Variants in SMIM3 observed in about 807,000 individuals in gnomAD.
SMIM3 encodes the protein NGF-induced differentiation clone 67 protein.
In SMIM3, 4 loss-of-function variants were observed where a neutral mutation model predicts 2.1. That is an observed-to-expected ratio of 1.89 (90% CI 0.93 to 4.31). The LOEUF is 4.31. Among genes scored for constraint, SMIM3 ranks in the 30% most tolerant of loss-of-function variants. SMIM3 has a pLI of 0.01. For synonymous variants in SMIM3, 29 were observed against 30.8 expected (o/e 0.94, Z 0.19); for missense variants, 79 against 77.7 (o/e 1.02, Z -0.06).
intron 1 of SMIM3, among the ~76,000 whole-genome samples, chr5:150,783,309 C>A (rs913617523): frequency 2.6e-5 from 4 of 152,214 alleles, no homozygotes; most frequent in Non-Finnish European, 4.4e-5. Flanking sequence ...TCCTTGACAA[C>A]CTCAGCAGCA....
chr5:150,791,349 CTTAT>C (rs1554124319), intron 1 of SMIM3, among the ~76,000 whole-genome samples: 1 of 152,096 alleles, frequency 6.6e-6, no homozygotes, highest in Non-Finnish European at 1.5e-5. Context: ...TATCTCAGTA[CTTAT>C]TTATTCCTCC....
intron 1 of SMIM3, among the ~76,000 whole-genome samples, chr5:150,791,059 A>T (rs768395822): frequency 2.0e-5 from 3 of 152,306 alleles, no homozygotes; most frequent in Middle Eastern, 3.4e-3. Flanking sequence ...GCATAAAATC[A>T]TGTTTTATGA....
In SMIM3 at chr5:150,795,430, A is replaced by G; in HGVS notation, c.-11A>G. 6.2e-7 allele frequency: 1 copy of G among 1,613,872 alleles called. No individual in the cohort carries two copies. The highest frequency in any genetic ancestry group is 1.3e-5 in the African/African-American group (1 of 75,048). Reference sequence around the variant, plus strand: ...GATCTTCCTTTCTTGTCTGTTGCAGAGTGAAGCAACATGGATGCAGTCAGC... The same window carrying G: ...GATCTTCCTTTCTTGTCTGTTGCAGGGTGAAGCAACATGGATGCAGTCAGC... On this transcript the variant is annotated splice_region_variant and 5_prime_UTR_variant, in exon 2 of 2. Transcript: ENST00000526627.
At chr5:150,783,141 G>T (rs377148920) in intron 1 of SMIM3, among the ~76,000 whole-genome samples, 1 of 152,234 alleles carries the variant, frequency 6.6e-6, no homozygotes, top group East Asian at 1.9e-4. Flanking sequence ...ATGGACAGGG[G>T]AGGAAAAGAG....
chr5:150,779,452 C>G (rs941407766), intron 1 of SMIM3, among the ~76,000 whole-genome samples: 1 of 152,166 alleles, frequency 6.6e-6, no homozygotes, highest in African/African-American at 2.4e-5. Context: ...TAGAAGGCGC[C>G]AGGAGTTTGG....
At chr5:150,784,472 T>A (rs994365915) in intron 1 of SMIM3, among the ~76,000 whole-genome samples, 4 of 152,218 alleles carry the variant, frequency 2.6e-5, no homozygotes, top group Non-Finnish European at 5.9e-5. Context: ...GAGAGAGACA[T>A]CTTGAAATCT....
At chr5:150,794,778 C>T (rs1753385279) in intron 1 of SMIM3, among the ~76,000 whole-genome samples, 1 of 152,158 alleles carries the variant, frequency 6.6e-6, no homozygotes, top group Non-Finnish European at 1.5e-5. Flanking sequence ...AAAATAAATA[C>T]CGAGCAGTTC....
chr5:150,782,745 T>C (rs1304426424), intron 1 of SMIM3, among the ~76,000 whole-genome samples: 1 of 152,242 alleles, frequency 6.6e-6, no homozygotes, highest in East Asian at 1.9e-4. Flanking sequence ...GGGATGAGGA[T>C]TCTTTCTGGA....
At chr5:150,779,829 A>AAG (rs1753212584) in intron 1 of SMIM3, among the ~76,000 whole-genome samples, 1 of 111,024 alleles carries the variant, frequency 9.0e-6, no homozygotes, top group African/African-American at 3.4e-5. Flanking sequence ...GAAAGGTGTA[A>AAG]CCCCCCCCGC....
rs28526526 is a variant in SMIM3, at chr5:150,780,847, C to T, written c.-12+1875C>T. 5.2e-3 allele frequency among the ~76,000 whole-genome samples: 785 copies of T among 152,160 alleles called. 4 individuals are homozygous for T. The highest frequency in any genetic ancestry group is 0.018 in the African/African-American group (736 of 41,488). ...GTGGCGGTGGTATAAAAAATGGGCA[C>T]GTGTACTCACAAACACAGTTTATTG... On this transcript the variant is annotated intron_variant, in intron 1 of 1. Coordinates refer to ENST00000526627, the MANE Select transcript of SMIM3 (RefSeq NM_032947.5).
chr5:150,795,099 C>G (rs542562728), intron 1 of SMIM3, among the ~76,000 whole-genome samples: 34 of 152,290 alleles, frequency 2.2e-4, no homozygotes, highest in Non-Finnish European at 4.3e-4. Context: ...TTAATGTCAT[C>G]TTGCCTTTTA....
chr5:150,789,514 C>T (rs1398577001), intron 1 of SMIM3, among the ~76,000 whole-genome samples: 1 of 152,092 alleles, frequency 6.6e-6, no homozygotes, highest in African/African-American at 2.4e-5. Context: ...ACTTCTATGG[C>T]CAGCCTTAGA....
rs749203291 is a variant in SMIM3, at chr5:150,795,437, C to T, written c.-4C>T. On this transcript the variant is annotated 5_prime_UTR_variant, in exon 2 of 2. Transcript: ENST00000526627. ...CTTTCTTGTCTGTTGCAGAGTGAAG[C>T]AACATGGATGCAGTCAGCCAAGTCC... The T allele has an allele frequency of 1.8e-5, 29 of 1,613,850 alleles. No individual in the cohort carries two copies. The highest frequency in any genetic ancestry group is 2.4e-5 in the Non-Finnish European group (28 of 1,179,878).
rs1753398281 is a variant in SMIM3 at position 150,795,730 on chromosome 5, T to A, written c.*107T>A. ...AGGGACTTTGGGGCATGGACCTGAG[T>A]TCTGGTTTTGATTCTGCCACGAGCC... is the stretch of plus-strand genomic sequence containing the variant. On this transcript the variant is annotated 3_prime_UTR_variant, in exon 2 of 2. Coordinates refer to ENST00000526627, the MANE Select transcript of SMIM3 (RefSeq NM_032947.5). The A allele has an allele frequency of 1.6e-6, 2 of 1,285,528 alleles. No individual in the cohort carries two copies. Among genetic ancestry groups the A allele is most frequent in the South Asian group, 2.9e-5 (2 of 68,190 alleles). 79.6% of individuals were successfully genotyped at this position (1,285,528 alleles called of 1,614,324 possible). A position where few individuals can be genotyped will look rare whatever the true frequency, so the allele number is the denominator to read the frequency against.
chr5:150,794,730 C>A (rs928705178), intron 1 of SMIM3, among the ~76,000 whole-genome samples: 5 of 152,136 alleles, frequency 3.3e-5, no homozygotes, highest in Non-Finnish European at 4.4e-5. Flanking sequence ...TCACTGAATC[C>A]TTAGTGTCTT....
At chr5:150,787,628 T>TAA in intron 1 of SMIM3, among the ~76,000 whole-genome samples, 1 of 152,328 alleles carries the variant, frequency 6.6e-6, no homozygotes, top group East Asian at 1.9e-4. Flanking sequence ...AATGGCTGGC[T>TAA]AACCTCTCTC....
rs752775488 is a variant in SMIM3 at position 150,795,550 on chromosome 5, T to A, written c.110T>A (p.Leu37Ter). ...ILATIVIMTSLLLCPATAVII... is the reference protein window; with the variant it reads ...ILATIVIMTS ...GCCACCATTGTCATCATGACCTCGT[T>A]GTTGCTGTGCCCAGCCACTGCAGTA... Residue 37 changes from leucine (L) to a stop codon, truncating the protein, a stop_gained, in exon 2 of 2, where the codon TTG becomes TAG. Transcript: ENST00000526627. LOFTEE classifies it high-confidence loss of function. 1 of 1,608,696 alleles carries A rather than the reference T, an allele frequency of 6.2e-7. No individual in the cohort carries two copies. Among genetic ancestry groups the A allele is most frequent in the Admixed American group, 1.7e-5 (1 of 59,636 alleles).
At chr5:150,788,395 G>T (rs1287674184) in intron 1 of SMIM3, among the ~76,000 whole-genome samples, 1 of 151,966 alleles carries the variant, frequency 6.6e-6, no homozygotes, top group Non-Finnish European at 1.5e-5. Context: ...TCTCCTTTGG[G>T]AAACTGAGGT....
intron 1 of SMIM3, among the ~76,000 whole-genome samples, chr5:150,779,829 A>ACCCCCCCCCCC (rs5872180): frequency 2.7e-5 from 3 of 111,024 alleles, no homozygotes; most frequent in Non-Finnish European, 5.7e-5. Flanking sequence ...GAAAGGTGTA[A>ACCCCCCCCCCC]CCCCCCCCGC....
Sources: gnomAD v4.1 joint callset for allele counts (sites outside exome capture counted in the v4.1 genomes callset) on GRCh38, gnomAD v4.1.1 for gene constraint, MANE v1.5 for transcripts, NCBI Gene and HGNC (gene_info 2026-07-23, HGNC 2026-07-21) for gene names.